TSPEAR: variants seen among roughly 807,000 people sequenced by gnomAD.
TSPEAR encodes thrombospondin-type laminin G domain and EAR repeat-containing protein.
A neutral mutation model predicts 71.6 loss-of-function variants in TSPEAR; 69 were observed. The ratio of observed to expected loss-of-function variants is 0.96; its 90% CI spans 0.79 to 1.18. The LOEUF is 1.18. Ranked by LOEUF, TSPEAR falls within the 50% of genes most tolerant of loss-of-function variation. The probability of loss-of-function intolerance (pLI) is 0.00; values close to 1 mark genes in which losing one functional copy is unlikely to be tolerated. For synonymous variants in TSPEAR, 402 were observed against 387.2 expected (o/e 1.04, Z -0.45); for missense variants, 971 against 894.9 (o/e 1.09, Z -1.09).
At chr21:44,592,782 G>A (rs889753350) in intron 1 of TSPEAR, among the ~76,000 whole-genome samples, 15 of 152,126 alleles carry the variant, frequency 9.9e-5, no homozygotes, top group African/African-American at 1.9e-4. Context: ...TCGCGGCATC[G>A]TCCACCCCTG....
chr21:44,558,621 C>A lies in TSPEAR; in HGVS notation c.303+9164G>T, dbSNP rs2053585021. The A allele has an allele frequency of 6.2e-7, 1 of 1,606,972 alleles. No homozygotes were observed. Among genetic ancestry groups the A allele is most frequent in the African/African-American group, 1.3e-5 (1 of 74,928 alleles). ...GGCCGGGGCGCAGCAGCTGGTGGCG[C>A]AGCAGGGGGGCTCACAGCAGCTCTC... is the stretch of plus-strand genomic sequence containing the variant. On this transcript the variant is annotated intron_variant, in intron 2 of 11. Coordinates refer to ENST00000323084, the MANE Select transcript of TSPEAR (RefSeq NM_144991.3).
At chr21:44,660,463 C>T (rs959062225) in intron 1 of TSPEAR, among the ~76,000 whole-genome samples, 1 of 152,062 alleles carries the variant, frequency 6.6e-6, no homozygotes, top group South Asian at 2.1e-4. Context: ...ATCACAGGAC[C>T]GAAAGTACAT....
chr21:44,626,436 G>A (rs1312670544), intron 1 of TSPEAR, among the ~76,000 whole-genome samples: 1 of 152,212 alleles, frequency 6.6e-6, no homozygotes, highest in African/African-American at 2.4e-5. Context: ...CAGCAGTGGC[G>A]AGGGCTGGCG....
chr21:44,703,765 C>T lies in TSPEAR; in HGVS notation c.82+7668G>A, dbSNP rs143610061. Among the ~76,000 whole-genome samples, 1,050 of 152,272 alleles carry T rather than the reference C, an allele frequency of 6.9e-3. 16 individuals are homozygous for T. Among genetic ancestry groups the T allele is most frequent in the Non-Finnish European group, 8.4e-3 (568 of 68,006 alleles). Reference sequence around the variant, plus strand: ...GGATCTGGGGCCCAAGCTGGCCACTCTTTGGGGGTTTCCTTTGGGGCCAGT... The same window carrying T: ...GGATCTGGGGCCCAAGCTGGCCACTTTTTGGGGGTTTCCTTTGGGGCCAGT... On this transcript the variant is annotated intron_variant, in intron 1 of 11. Coordinates refer to ENST00000323084, the MANE Select transcript of TSPEAR (RefSeq NM_144991.3).
chr21:44,518,283 C>T (rs372501716), intron 9 of TSPEAR: 12 of 468,908 alleles, frequency 2.6e-5, no homozygotes, highest in South Asian at 7.8e-5. Context: ...GTCAAACATC[C>T]GGGGACCCTT....
chr21:44,502,806 G>C (rs1030674268), intron 11 of TSPEAR, among the ~76,000 whole-genome samples: 2 of 149,774 alleles, frequency 1.3e-5, no homozygotes, highest in Non-Finnish European at 3.0e-5. Flanking sequence ...GTGAGCCCCC[G>C]GGGGGAAGCA....
chr21:44,597,926 C>T (rs1297230682), intron 1 of TSPEAR, among the ~76,000 whole-genome samples: 1 of 152,108 alleles, frequency 6.6e-6, no homozygotes, highest in African/African-American at 2.4e-5. Flanking sequence ...TTTTAAAAAT[C>T]ACTTCCTGTC....
chr21:44,601,283 C>T lies in TSPEAR; in HGVS notation c.83-33278G>A, dbSNP rs1555928681. Reference sequence around the variant, plus strand: ...AGCTGCAAGCCGGCTTGCTGCACCTCCTCCCCTTGCCAGCAGGCCTGCTGT... The same window carrying T: ...AGCTGCAAGCCGGCTTGCTGCACCTTCTCCCCTTGCCAGCAGGCCTGCTGT... On this transcript the variant is annotated intron_variant, in intron 1 of 11. Transcript: ENST00000323084. 6.2e-7 allele frequency: 1 copy of T among 1,609,232 alleles called. No individual in the cohort carries two copies. Among genetic ancestry groups the T allele is most frequent in the African/African-American group, 1.4e-5 (1 of 73,254 alleles).
At chr21:44,660,406 C>T (rs192067302) in intron 1 of TSPEAR, among the ~76,000 whole-genome samples, 18 of 152,230 alleles carry the variant, frequency 1.2e-4, no homozygotes, top group African/African-American at 4.1e-4. Context: ...AAGCAGACTA[C>T]GAGCATAAGG....
rs1045652947 is a variant in TSPEAR, at chr21:44,499,542, G to A, written c.*241C>T. 12 of 495,942 alleles carry A rather than the reference G, an allele frequency of 2.4e-5. No homozygotes were observed. The highest frequency in any genetic ancestry group is 3.9e-5 in the Non-Finnish European group (11 of 283,492). The allele number at this position is 495,942 out of a possible 1,614,324, so 30.7% of individuals were successfully genotyped here. ...CACTCAGATGGGCGAGCACTGGCAGGGGCTCTGGGCCTCTGCCTGCAAGAC... is the reference window on the plus strand; with the variant it reads ...CACTCAGATGGGCGAGCACTGGCAGAGGCTCTGGGCCTCTGCCTGCAAGAC... On this transcript the variant is annotated 3_prime_UTR_variant, in exon 12 of 12. Transcript: ENST00000323084.
intron 1 of TSPEAR, among the ~76,000 whole-genome samples, chr21:44,643,254 G>T (rs1984120078): frequency 6.6e-6 from 1 of 152,176 alleles, no homozygotes; most frequent in African/African-American, 2.4e-5. Flanking sequence ...GAGGGCCAGG[G>T]GGTGCAGGGA....
chr21:44,545,632 T>C (rs1430422501), intron 2 of TSPEAR, among the ~76,000 whole-genome samples: 1 of 152,114 alleles, frequency 6.6e-6, no homozygotes, highest in Admixed American at 6.5e-5. Context: ...AATATGTGTA[T>C]ATTAAATTAC....
At chr21:44,555,813 G>A (rs2146041855) in intron 2 of TSPEAR, among the ~76,000 whole-genome samples, 1 of 152,286 alleles carries the variant, frequency 6.6e-6, no homozygotes, top group African/African-American at 2.4e-5. Context: ...TGCTCCCCTT[G>A]TCCTGGTGGC....
rs1373256466 is a variant in TSPEAR at position 44,623,480 on chromosome 21, A to C, written c.83-55475T>G. On this transcript the variant is annotated intron_variant, in intron 1 of 11. Transcript: ENST00000323084. The surrounding 1 kb of genome is among the most constrained non-coding windows in gnomAD (Gnocchi z 4.5). ...AACTTCTAAGACATCTTATACAGTA[A>C]ATATTCATTTAGATTTCCCCATGTT... Among the ~76,000 whole-genome samples, 1 of 152,220 alleles carries C rather than the reference A, an allele frequency of 6.6e-6. No homozygotes were observed. The highest frequency in any genetic ancestry group is 1.5e-5 in the Non-Finnish European group (1 of 68,046).
intron 1 of TSPEAR, among the ~76,000 whole-genome samples, chr21:44,608,609 C>T (rs1981462302): frequency 6.6e-6 from 1 of 152,198 alleles, no homozygotes; most frequent in Admixed American, 6.5e-5. Flanking sequence ...TGAACAGGCA[C>T]CTCACAAGAA....
chr21:44,504,702 T>C (rs1269824277), intron 11 of TSPEAR, 78 bp downstream of exon 11: 1 of 704,328 alleles, frequency 1.4e-6, no homozygotes, highest in African/African-American at 1.9e-5. Flanking sequence ...AGCAAGTCTC[T>C]TGGAGGAGGC....
At position 44,527,151 on chromosome 21, in the gene TSPEAR, T is replaced by C. The variant is rs17004663; in HGVS notation, c.1149+141A>G. 0.013 allele frequency: 10,028 copies of C among 778,738 alleles called. 730 individuals are homozygous for C. In the African/African-American group the frequency reaches 0.15, roughly 12 times the overall value. 48.2% of individuals were successfully genotyped at this position (778,738 alleles called of 1,614,324 possible). On this transcript the variant is annotated intron_variant, in intron 7 of 11. Transcript: ENST00000323084. ...AGGGTGGTGGGCTCACGTGTGCGAC[T>C]CTGTCAGCCTTTTACCGCCTGAACG...
At chr21:44,561,196 C>G (rs1348246534) in intron 2 of TSPEAR, among the ~76,000 whole-genome samples, 2 of 152,184 alleles carry the variant, frequency 1.3e-5, no homozygotes, top group Non-Finnish European at 2.9e-5. Context: ...TCAGAGAATA[C>G]TATAAACACC....
At chr21:44,555,946 C>T (rs934051126) in intron 2 of TSPEAR, among the ~76,000 whole-genome samples, 2 of 152,124 alleles carry the variant, frequency 1.3e-5, no homozygotes, top group Admixed American at 6.5e-5. Context: ...GACATGCCAT[C>T]GAAACTGCAA....
Sources: gnomAD v4.1 joint callset for allele counts (sites outside exome capture counted in the v4.1 genomes callset) on GRCh38, gnomAD v4.1.1 for gene constraint, Gnocchi (gnomAD v3.1) non-coding constraint, MANE v1.5 for transcripts, NCBI Gene and HGNC (gene_info 2026-07-23, HGNC 2026-07-21) for gene names.